The following RBMS3 variants were observed in gnomAD, a reference collection of about 807,000 sequenced individuals.
RBMS3 encodes RNA-binding motif, single-stranded-interacting protein 3.
In RBMS3, 27 loss-of-function variants were observed where a neutral mutation model predicts 66.8. The ratio of observed to expected loss-of-function variants is 0.40; its 90% confidence interval spans 0.30 to 0.56. RBMS3 has a LOEUF of 0.56. Among genes scored for constraint, RBMS3 ranks in the 20% least tolerant of loss-of-function variants. The pLI is 0.40. For synonymous variants in RBMS3, 188 were observed against 183.0 expected (o/e 1.03, Z -0.22); for missense variants, 513 against 549.5 (o/e 0.93, Z 0.66).
intron 7 of RBMS3, among the ~76,000 whole-genome samples, chr3:29,875,384 T>C (rs2059589636): frequency 6.6e-6 from 1 of 152,160 alleles, no homozygotes; most frequent in Admixed American, 6.5e-5. Flanking sequence ...TCATCCTACT[T>C]AACCATGTTA....
intron 1 of RBMS3, among the ~76,000 whole-genome samples, chr3:29,312,636 G>A (rs1312876204): frequency 4.7e-5 from 7 of 148,632 alleles, no homozygotes; most frequent in East Asian, 2.0e-4. Context: ...ATATGTCTCT[G>A]TCTATGTCTG....
At chr3:29,306,476 C>T (rs2034021547) in intron 1 of RBMS3, among the ~76,000 whole-genome samples, 2 of 151,832 alleles carry the variant, frequency 1.3e-5, no homozygotes, top group African/African-American at 4.8e-5. Context: ...TTTGTTTTGA[C>T]TAATAAGAAT....
intron 1 of RBMS3, among the ~76,000 whole-genome samples, chr3:29,365,381 GA>G (rs201021843): frequency 0.017 from 2,508 of 151,578 alleles, 68 homozygotes; most frequent in African/African-American, 0.057. Flanking sequence ...AAATTCAGTG[GA>G]AAAAAACATT....
At chr3:29,769,652 A>C (rs1349797545) in intron 6 of RBMS3, among the ~76,000 whole-genome samples, 1 of 151,892 alleles carries the variant, frequency 6.6e-6, no homozygotes, top group Non-Finnish European at 1.5e-5. Context: ...GAATTTTCCA[A>C]ACCAGAGTAT....
chr3:29,429,388 G>C (rs1223201881), intron 1 of RBMS3, among the ~76,000 whole-genome samples: 1 of 152,158 alleles, frequency 6.6e-6, no homozygotes, highest in South Asian at 2.1e-4. Context: ...CTCTGAGATA[G>C]CATCCCTAAT....
At chr3:29,436,821 A>T (rs1411596398) in intron 2 of RBMS3, among the ~76,000 whole-genome samples, 2 of 152,230 alleles carry the variant, frequency 1.3e-5, no homozygotes, top group East Asian at 3.8e-4. Context: ...AAGAATATGT[A>T]TTTCAAACAG....
intron 3 of RBMS3, among the ~76,000 whole-genome samples, chr3:29,490,200 C>A (rs956618972): frequency 1.6e-4 from 23 of 147,014 alleles, no homozygotes; most frequent in African/African-American, 6.0e-4. Flanking sequence ...TTTGAGCAGA[C>A]AAAATATGAT....
intron 4 of RBMS3, among the ~76,000 whole-genome samples, chr3:29,663,756 T>TA (rs5847585): frequency 1.3e-5 from 2 of 151,774 alleles, no homozygotes; most frequent in African/African-American, 4.8e-5. Context: ...GTTTCTTTTT[T>TA]AAAAAAAAAT....
chr3:29,606,376 T>G (rs1448919594), intron 4 of RBMS3, among the ~76,000 whole-genome samples: 1 of 151,920 alleles, frequency 6.6e-6, no homozygotes, highest in Non-Finnish European at 1.5e-5. Context: ...TACCAAAAGA[T>G]TTTACTGACA....
chr3:29,779,637 T>G (rs2056551788), intron 6 of RBMS3, among the ~76,000 whole-genome samples: 1 of 145,956 alleles, frequency 6.9e-6, no homozygotes, highest in East Asian at 1.9e-4. Flanking sequence ...AGCTGCAAAT[T>G]TTGAAGTCAT....
chr3:29,751,349 CT>C lies in RBMS3; in HGVS notation c.557+11476del, dbSNP rs142252324. Among the ~76,000 whole-genome samples, 642 of 152,208 alleles carry C rather than the reference CT, an allele frequency of 4.2e-3. 16 individuals are homozygous for C. The highest frequency in any genetic ancestry group is 0.035 in the Admixed American group (530 of 15,284). ...CTCACAAAATAAGATTTCCATAAACCTTTTATAACCTTTTGTAATTTTCTAT... is the reference window on the plus strand; with the variant it reads ...CTCACAAAATAAGATTTCCATAAACCTTTATAACCTTTTGTAATTTTCTAT... On this transcript the variant is annotated intron_variant, in intron 5 of 14. Coordinates refer to ENST00000383767, the MANE Select transcript of RBMS3 (RefSeq NM_001003793.3).
intron 3 of RBMS3, among the ~76,000 whole-genome samples, chr3:29,548,094 A>T (rs557355890): frequency 1.3e-5 from 2 of 152,068 alleles, no homozygotes; most frequent in Non-Finnish European, 2.9e-5. Flanking sequence ...CACAGCACTA[A>T]GACAGATTGA....
intron 3 of RBMS3, among the ~76,000 whole-genome samples, chr3:29,581,847 A>G (rs913475862): frequency 6.6e-6 from 1 of 152,160 alleles, no homozygotes; most frequent in South Asian, 2.1e-4. Flanking sequence ...AATCTAAAGC[A>G]GGAGTTCTAG....
chr3:29,365,460 A>G (rs2037846656), intron 1 of RBMS3, among the ~76,000 whole-genome samples: 1 of 152,200 alleles, frequency 6.6e-6, no homozygotes, highest in Non-Finnish European at 1.5e-5. Flanking sequence ...AAGGAAAACA[A>G]TACAACATTA....
At chr3:29,991,059 T>A (rs1470011284) in intron 13 of RBMS3, 23 bp from the exon 14 acceptor site, 15 of 1,611,488 alleles carry the variant, frequency 9.3e-6, no homozygotes, top group Non-Finnish European at 1.3e-5. Flanking sequence ...GTAAGGCTTT[T>A]ATGTTCTTAT....
At chr3:29,970,886 A>G (rs1346125864) in intron 12 of RBMS3, among the ~76,000 whole-genome samples, 2 of 152,116 alleles carry the variant, frequency 1.3e-5, no homozygotes, top group African/African-American at 4.8e-5. Context: ...ATAAAGCTAC[A>G]TCTCTGTGGT....
At chr3:29,611,245 G>T (rs2048482179) in intron 4 of RBMS3, among the ~76,000 whole-genome samples, 2 of 152,020 alleles carry the variant, frequency 1.3e-5, no homozygotes, top group South Asian at 4.1e-4. Context: ...TAACAAAGAA[G>T]CCCTGTAAAA....
intron 2 of RBMS3, among the ~76,000 whole-genome samples, chr3:29,455,799 C>T (rs539289679): frequency 1.0e-4 from 15 of 148,806 alleles, no homozygotes; most frequent in South Asian, 2.1e-4. Flanking sequence ...ATCACACACA[C>T]GCACAAAAAA....
intron 10 of RBMS3, among the ~76,000 whole-genome samples, chr3:29,904,071 T>C (rs2060318571): frequency 6.6e-6 from 1 of 151,930 alleles, no homozygotes; most frequent in Non-Finnish European, 1.5e-5. Flanking sequence ...TGAGAAGGCA[T>C]TATCACCAAA....
Sources: gnomAD v4.1 joint callset for allele counts (sites outside exome capture counted in the v4.1 genomes callset) on GRCh38, gnomAD v4.1.1 for gene constraint, MANE v1.5 for transcripts, NCBI Gene and HGNC (gene_info 2026-07-23, HGNC 2026-07-21) for gene names.